Variants in TBX15 observed in about 807,000 individuals in gnomAD.
The protein encoded by TBX15 is T-box transcription factor TBX15.
TBX15 carries 18 observed loss-of-function variants against 53.9 expected under a neutral mutation model. The ratio of observed to expected loss-of-function variants is 0.33; its 90% confidence interval spans 0.23 to 0.49. The LOEUF is 0.49. TBX15 is among the 20% of genes least tolerant of loss of function. The pLI, the probability that TBX15 is intolerant of heterozygous loss-of-function variation, is 0.98. For synonymous variants in TBX15, 295 were observed against 278.0 expected (o/e 1.06, Z -0.61); for missense variants, 692 against 749.5 (o/e 0.92, Z 0.90).
At chr1:118,912,311 A>C (rs899235354) in intron 6 of TBX15, among the ~76,000 whole-genome samples, 1 of 89,174 alleles carries the variant, frequency 1.1e-5, no homozygotes, top group Admixed American at 8.8e-5. Context: ...GAAATTCTTA[A>C]CTTTAAGACT....
chr1:118,920,977 C>T (rs985303285), intron 5 of TBX15, among the ~76,000 whole-genome samples: 4 of 151,950 alleles, frequency 2.6e-5, no homozygotes, highest in Admixed American at 2.6e-4. Context: ...GAGTTCAAGA[C>T]TAGCCTGGGC....
At chr1:118,966,255 G>T (rs1259588419) in intron 1 of TBX15, among the ~76,000 whole-genome samples, 2 of 152,144 alleles carry the variant, frequency 1.3e-5, no homozygotes, top group Non-Finnish European at 2.9e-5. Context: ...GGGAAAACTG[G>T]AGGCCCATGA....
chr1:118,894,784 C>T (rs1046757199), intron 7 of TBX15, among the ~76,000 whole-genome samples: 7 of 152,024 alleles, frequency 4.6e-5, no homozygotes, highest in South Asian at 2.1e-4. Flanking sequence ...TAAGGAACTT[C>T]GGGGACAAAA....
chr1:118,930,733 A>G (rs1212760543), intron 2 of TBX15, among the ~76,000 whole-genome samples: 1 of 152,192 alleles, frequency 6.6e-6, no homozygotes, highest in East Asian at 1.9e-4. Flanking sequence ...AATTTTATCT[A>G]AATCGTTTCA....
At chr1:118,976,070 CA>C (rs1298822459) in intron 1 of TBX15, among the ~76,000 whole-genome samples, 1 of 152,072 alleles carries the variant, frequency 6.6e-6, no homozygotes, top group East Asian at 1.9e-4. Flanking sequence ...TAGGGTGAAA[CA>C]AAAATTTTAA....
chr1:118,969,323 C>T (rs1241205170), intron 1 of TBX15, among the ~76,000 whole-genome samples: 1 of 152,188 alleles, frequency 6.6e-6, no homozygotes, highest in Admixed American at 6.5e-5. Context: ...GGGTTATTCT[C>T]TGGAGTTGTT....
intron 1 of TBX15, among the ~76,000 whole-genome samples, chr1:118,934,103 G>C (rs1261847504): frequency 6.6e-6 from 1 of 152,098 alleles, no homozygotes; most frequent in Admixed American, 6.6e-5. Flanking sequence ...ATGTCATCTG[G>C]AACAAAACAG....
chr1:118,890,966 C>A (rs1462580650), intron 7 of TBX15: 2 of 1,302,668 alleles, frequency 1.5e-6, no homozygotes, highest in Middle Eastern at 2.1e-4. Flanking sequence ...TTCTTTGAGG[C>A]TTTCAAACAG....
intron 1 of TBX15, among the ~76,000 whole-genome samples, chr1:118,974,826 G>A (rs958456808): frequency 6.6e-6 from 1 of 152,168 alleles, no homozygotes; most frequent in African/African-American, 2.4e-5. Context: ...GGGTCCTCAA[G>A]GCAGTTTCCT....
In TBX15 at chr1:118,923,467, A is replaced by C; in HGVS notation, c.830T>G (p.Phe277Cys). The change falls in exon 5 of 8, where the codon TTC becomes TGC. Residue 277 changes from phenylalanine to cysteine, a missense_variant. This residue lies in a region of TBX15 where 307 missense variants were observed against 347.5 expected (regional missense o/e 0.88). Transcript: ENST00000369429. ...VKTFNFPETV[F>C]TTVTAYQNQQ... Reference sequence around the variant, plus strand: ...ATTCTGATAGGCCGTAACTGTGGTGAACACAGTCTCAGGAAAGTTGAACGT... The same window carrying C: ...ATTCTGATAGGCCGTAACTGTGGTGCACACAGTCTCAGGAAAGTTGAACGT... 6.2e-7 allele frequency: 1 copy of C among 1,613,974 alleles called. No individual in the cohort carries two copies.
chr1:118,923,928 C>G (rs1243666697), intron 4 of TBX15, among the ~76,000 whole-genome samples: 1 of 152,176 alleles, frequency 6.6e-6, no homozygotes, highest in Non-Finnish European at 1.5e-5. Context: ...ACAAGTTGTT[C>G]CCTCCAGCTT....
chr1:118,971,134 G>C (rs148560121), intron 1 of TBX15, among the ~76,000 whole-genome samples: 2 of 152,192 alleles, frequency 1.3e-5, no homozygotes, highest in East Asian at 3.8e-4. Flanking sequence ...AGGCAGAGAG[G>C]TTCCCACAAT....
rs182443245 is a variant in TBX15 at position 118,884,715 on chromosome 1, G to A, written c.*17C>T. 1.9e-6 allele frequency: 3 copies of A among 1,613,926 alleles called. No homozygotes were observed. The highest frequency in any genetic ancestry group is 2.7e-5 in the African/African-American group (2 of 74,980). ...GGGCCTTGATTGCCAAATGCTCCGT[G>A]GTGTTTGGACTGGCCTTTAAACCAT... On this transcript the variant is annotated 3_prime_UTR_variant, in exon 8 of 8. Transcript: ENST00000369429.
At chr1:118,919,735 G>C (rs764321178) in intron 5 of TBX15, among the ~76,000 whole-genome samples, 1 of 152,132 alleles carries the variant, frequency 6.6e-6, no homozygotes, top group Non-Finnish European at 1.5e-5. Flanking sequence ...TTACAGAAAT[G>C]TGCTTCAGAA....
At position 118,884,226 on chromosome 1, in the gene TBX15, A is replaced by G; in HGVS notation, c.*506T>C. ...ACTCCATCTAGAGTTGTACACAGAC[A>G]AATTCTTGGTGAAAGCACCCATTCT... On this transcript the variant is annotated 3_prime_UTR_variant, in exon 8 of 8. Coordinates refer to ENST00000369429, the MANE Select transcript of TBX15 (RefSeq NM_001330677.2). The G allele has an allele frequency of 1.2e-5, 2 of 172,138 alleles. No homozygotes were observed. 10.7% of individuals were successfully genotyped at this position (172,138 alleles called of 1,614,324 possible).
intron 1 of TBX15, among the ~76,000 whole-genome samples, chr1:118,934,278 A>C (rs1290782716): frequency 6.6e-6 from 1 of 152,214 alleles, no homozygotes; most frequent in Non-Finnish European, 1.5e-5. Flanking sequence ...GTGCTAACCC[A>C]GGTAACCTCA....
At chr1:118,896,354 A>G (rs990657078) in intron 7 of TBX15, among the ~76,000 whole-genome samples, 1 of 152,192 alleles carries the variant, frequency 6.6e-6, no homozygotes, top group Non-Finnish European at 1.5e-5. Flanking sequence ...ACTGTGGAGA[A>G]TTTACCTAAG....
At chr1:118,891,199 G>C (rs888062464) in intron 7 of TBX15, among the ~76,000 whole-genome samples, 1 of 152,094 alleles carries the variant, frequency 6.6e-6, no homozygotes, top group Non-Finnish European at 1.5e-5. Context: ...AAAAGTTAAA[G>C]GTATGCACAG....
At chr1:118,890,800 C>G in intron 7 of TBX15, 1 of 1,040,708 alleles carries the variant, frequency 9.6e-7, no homozygotes, top group Middle Eastern at 2.5e-4. Flanking sequence ...CCTCCTCCCC[C>G]AAAATTGAAA....
Sources: allele counts gnomAD v4.1 joint callset (sites outside exome capture counted in the v4.1 genomes callset), GRCh38; gene constraint gnomAD v4.1.1; regional missense constraint gnomAD v4.1.1; transcripts MANE v1.5; gene names NCBI Gene and HGNC (gene_info 2026-07-23, HGNC 2026-07-21).